Variants in ZFYVE26 observed in about 807,000 individuals in gnomAD.
ZFYVE26 encodes the protein zinc finger FYVE domain-containing protein 26.
Under a neutral mutation model 276.5 loss-of-function variants are expected in ZFYVE26, and 181 were observed. The ratio of observed to expected loss-of-function variants is 0.65; its 90% CI spans 0.58 to 0.74. The LOEUF (loss-of-function observed/expected upper bound fraction) is 0.74, where lower values mean the gene tolerates loss of function less well. ZFYVE26 is among the 30% of genes least tolerant of loss of function. The pLI is 0.00. For synonymous variants in ZFYVE26, 1,129 were observed against 1,203.1 expected, an observed-to-expected ratio of 0.94 and a Z score of 1.27; for missense variants, 2,821 against 3,097.9, an observed-to-expected ratio of 0.91 and a Z score of 2.12.
chr14:67,808,666 G>A (rs1324135810), intron 4 of ZFYVE26, among the ~76,000 whole-genome samples: 1 of 151,988 alleles, frequency 6.6e-6, no homozygotes, highest in Non-Finnish European at 1.5e-5. Flanking sequence ...TGGACTGCAA[G>A]ACCATGAGTC....
At chr14:67,765,925 C>T (rs547224309) in intron 32 of ZFYVE26, among the ~76,000 whole-genome samples, 3 of 152,248 alleles carry the variant, frequency 2.0e-5, no homozygotes, top group South Asian at 4.1e-4. Flanking sequence ...TGGTTCCCTA[C>T]ATTGACTTTA....
At chr14:67,791,192 A>G (rs1370315827) in intron 14 of ZFYVE26, among the ~76,000 whole-genome samples, 1 of 152,266 alleles carries the variant, frequency 6.6e-6, no homozygotes, top group African/African-American at 2.4e-5. Context: ...CAATCCATAA[A>G]GCTTTAAAAA....
intron 19 of ZFYVE26, 25 bp downstream of exon 19, chr14:67,785,034 C>G (rs200859351): frequency 1.6e-5 from 26 of 1,612,550 alleles, no homozygotes; most frequent in Middle Eastern, 1.6e-4. Context: ...TGCCATGAAT[C>G]TATTGCCTCT....
Position 67,807,824 on chromosome 14 carries a change from C to T in ZFYVE26, c.460G>A (p.Val154Ile), listed in dbSNP as rs1420874389. ...CTCAGGAGATCCCAGAGCACAGAGA[C>T]AGCTTCGGAGCTGAGACGAGGAGTC... The part of the protein sequence containing the change: ...SWTPRLSSEA[V>I]SVLWDLLRQS... The change falls in exon 5 of 42, where the codon GTC becomes ATC. Residue 154 changes from valine (V) to isoleucine (I), a missense_variant. Coordinates refer to ENST00000347230, the MANE Select transcript of ZFYVE26 (RefSeq NM_015346.4). 6.2e-7 allele frequency: 1 copy of T among 1,614,098 alleles called. No homozygotes were observed. The highest frequency in any genetic ancestry group is 8.5e-7 in the Non-Finnish European group (1 of 1,179,988).
intron 21 of ZFYVE26, among the ~76,000 whole-genome samples, chr14:67,782,477 T>C (rs1032036670): frequency 6.6e-6 from 1 of 152,206 alleles, no homozygotes; most frequent in Non-Finnish European, 1.5e-5. Flanking sequence ...CCTGGGCCTC[T>C]GGGGAAGGGA....
chr14:67,794,279 C>T (rs2140238623), intron 12 of ZFYVE26, 40 bp from the exon 13 acceptor site: 2 of 1,593,164 alleles, frequency 1.3e-6, no homozygotes, highest in East Asian at 2.2e-5. Context: ...CAATTATCAG[C>T]TCCTTATAGA....
rs2039532286 is a variant in ZFYVE26, at chr14:67,782,703, G to A, written c.4372+77C>T. ...GGCTTCTCTCTAGAGTTACCGTGAG[G>A]ATTAAATGTGATAATATACCCAGTG... On this transcript the variant is annotated intron_variant, in intron 21 of 41. Transcript: ENST00000347230. 8 of 1,589,818 alleles carry A rather than the reference G, an allele frequency of 5.0e-6. No individual in the cohort carries two copies. In the Admixed American group the frequency reaches 1.3e-4, roughly 27 times the overall value.
At chr14:67,761,720 C>T (rs757183198) in intron 34 of ZFYVE26, 136 bp from the exon 35 acceptor site, 13 of 736,872 alleles carry the variant, frequency 1.8e-5, no homozygotes, top group Admixed American at 1.4e-4. Flanking sequence ...CAAACCTGCA[C>T]GTTGTGCACA....
Position 67,733,861 on chromosome 14 carries a change from C to T in ZFYVE26, n.2680-4042G>A, listed in dbSNP as rs377539984. 2.2e-5 allele frequency: 35 copies of T among 1,588,466 alleles called. No individual in the cohort carries two copies. The African/African-American group carries it at 4.4e-4, about 20-fold the overall frequency. ...CCGGTGGGAGTAGCTGGTGGAAGAGCTGCAGCTTTATCAGGCCCAATCCAT... is the reference window on the plus strand; with the variant it reads ...CCGGTGGGAGTAGCTGGTGGAAGAGTTGCAGCTTTATCAGGCCCAATCCAT... On this transcript the variant is annotated intron_variant and non_coding_transcript_variant, in intron 13 of 14. Transcript: ENST00000394455.
At chr14:67,734,286 C>T (rs1486739785) in intron 13 of ZFYVE26, 1 of 193,428 alleles carries the variant, frequency 5.2e-6, no homozygotes. Flanking sequence ...TTTGCCACCA[C>T]CCTGGAGTCT....
intron 35 of ZFYVE26, among the ~76,000 whole-genome samples, chr14:67,759,203 C>T (rs1422202229): frequency 6.8e-6 from 1 of 146,918 alleles, no homozygotes; most frequent in African/African-American, 2.5e-5. Flanking sequence ...CAAGATCGTG[C>T]CACCGCACTC....
Position 67,816,042 on chromosome 14 carries a change from A to G in ZFYVE26, c.-79T>C. The G allele has an allele frequency of 8.1e-7, 1 of 1,228,702 alleles. No individual in the cohort carries two copies. The allele number at this position is 1,228,702 out of a possible 1,614,324, so 76.1% of individuals were successfully genotyped here. A position where few individuals can be genotyped will look rare whatever the true frequency, so the allele number is the denominator to read the frequency against. ...TTCTCAATGTTCTCATTCGCGGAGT[A>G]CCTCCTAGAAACAACACAACGCCAG... On this transcript the variant is annotated 5_prime_UTR_variant, in exon 2 of 42. Transcript: ENST00000347230.
At chr14:67,781,304 TC>T in intron 22 of ZFYVE26, 28 bp downstream of exon 22, 1 of 1,613,052 alleles carries the variant, frequency 6.2e-7, no homozygotes, top group Non-Finnish European at 8.5e-7. Flanking sequence ...AGAAGCCCGT[TC>T]CCTTTCTCTT....
chr14:67,784,479 G>GC (rs1418797336), intron 19 of ZFYVE26, 43 bp from the exon 20 acceptor site: 1 of 1,561,564 alleles, frequency 6.4e-7, no homozygotes, highest in African/African-American at 1.4e-5. Context: ...ACCACTGACT[G>GC]CAAGAGTTCA....
chr14:67,809,766 A>C (rs1300902686), intron 3 of ZFYVE26, among the ~76,000 whole-genome samples: 1 of 139,164 alleles, frequency 7.2e-6, no homozygotes, highest in Non-Finnish European at 1.5e-5. Flanking sequence ...ATATGTTTTC[A>C]GTACTATTCT....
chr14:67,794,217 G>T lies in ZFYVE26; in HGVS notation c.2355C>A (p.Asn785Lys), dbSNP rs1371849482. The change falls in exon 13 of 42, where the codon AAC becomes AAA. Residue 785 changes from asparagine to lysine, a missense_variant. Transcript: ENST00000347230. ...CACTACTTGTACTTTCCAGGGATGG[G>T]TTTGAACCTCTGTCTCGGCCATCTA... is the stretch of plus-strand genomic sequence containing the variant. Reference protein sequence around the residue: ...SQADGRDRGSNPSLESTSSEL... With the variant: ...SQADGRDRGSKPSLESTSSEL... The T allele has an allele frequency of 1.2e-6, 2 of 1,614,216 alleles. No homozygotes were observed. The highest frequency in any genetic ancestry group is 4.5e-5 in the East Asian group (2 of 44,882).
rs143878844 is a variant in ZFYVE26, at chr14:67,785,165, G to A, written c.3417C>T (p.Gly1139=). The A allele has an allele frequency of 1.1e-4, 182 of 1,614,076 alleles. No individual in the cohort carries two copies. Among genetic ancestry groups the A allele is most frequent in the Non-Finnish European group, 1.5e-4 (178 of 1,180,032 alleles). Residue 1139 remains glycine, a synonymous_variant, in exon 19 of 42, where the codon GGC becomes GGT. Coordinates refer to ENST00000347230, the MANE Select transcript of ZFYVE26 (RefSeq NM_015346.4). ...IQTQLLQKNL[G]KQTPSGSRQM... The stretch of plus-strand genomic sequence containing the variant: ...GCCTGCTGCCTGATGGGGTCTGTTT[G>A]CCCAGGTTCTTCTGGAGGAGCTGAG...
chr14:67,787,873 C>T (rs2140230277), intron 16 of ZFYVE26, among the ~76,000 whole-genome samples: 1 of 152,298 alleles, frequency 6.6e-6, no homozygotes, highest in Non-Finnish European at 1.5e-5. Flanking sequence ...CACTGCTATC[C>T]TTAGAACATC....
chr14:67,730,621 G>C (rs1043781944), intron 13 of ZFYVE26, among the ~76,000 whole-genome samples: 1 of 150,402 alleles, frequency 6.6e-6, no homozygotes, highest in Non-Finnish European at 1.5e-5. Flanking sequence ...ATTTTTTTTT[G>C]AGATGGATTT....
Sources: allele counts gnomAD v4.1 joint callset (sites outside exome capture counted in the v4.1 genomes callset), GRCh38; gene constraint gnomAD v4.1.1; transcripts MANE v1.5; gene names NCBI Gene and HGNC (gene_info 2026-07-23, HGNC 2026-07-21).